C10orf143: variants seen among roughly 807,000 people sequenced by gnomAD.
C10orf143 encodes the protein chromosome 10 open reading frame 143.
chr10:130,047,978 C>T (rs1564952848), intron 3 of C10orf143, among the ~76,000 whole-genome samples: 1 of 152,234 alleles, frequency 6.6e-6, no homozygotes, highest in African/African-American at 2.4e-5. Context: ...GTCTGGCAGC[C>T]TGACTTTTGG....
chr10:130,109,956 A>G (rs942546559), intron 1 of C10orf143, among the ~76,000 whole-genome samples: 1 of 152,168 alleles, frequency 6.6e-6, no homozygotes, highest in Non-Finnish European at 1.5e-5. Flanking sequence ...TTGCAAGCAG[A>G]GGTGGAAGAT....
chr10:130,035,479 G>A (rs529383446), intron 4 of C10orf143, among the ~76,000 whole-genome samples: 1 of 152,346 alleles, frequency 6.6e-6, no homozygotes, highest in Non-Finnish European at 1.5e-5. Context: ...CTGCCCTTCA[G>A]AGGCTGAGGA....
At chr10:130,106,484 T>G in intron 1 of C10orf143, 2 of 1,602,200 alleles carry the variant, frequency 1.2e-6, no homozygotes, top group Non-Finnish European at 8.5e-7. Context: ...TGAAATTCTC[T>G]GTCTAGAAAA....
rs542425599 is a variant in C10orf143, at chr10:130,036,970, C to A, written c.298-1000G>T. ...GTACAGGCACAGAGGGAGGCGTGGA[C>A]CCTGCAGCAACTGGGCCAGCAGGTG... On this transcript the variant is annotated intron_variant and NMD_transcript_variant, in intron 3 of 5. Coordinates refer to the C10orf143 transcript ENST00000643056. Among the ~76,000 whole-genome samples the A allele has an allele frequency of 1.1e-4, 17 of 152,292 alleles. 1 individual carries two copies. The South Asian group carries it at 3.5e-3, about 32-fold the overall frequency.
chr10:130,084,669 CACACAT>C (rs1338883266), intron 1 of C10orf143, among the ~76,000 whole-genome samples: 1 of 152,006 alleles, frequency 6.6e-6, no homozygotes, highest in Non-Finnish European at 1.5e-5. Context: ...CACACACACA[CACACAT>C]ACATATATAT....
intron 3 of C10orf143, among the ~76,000 whole-genome samples, chr10:130,040,666 C>G (rs1768155936): frequency 6.6e-6 from 1 of 152,124 alleles, no homozygotes; most frequent in Admixed American, 6.5e-5. Context: ...AATCCTGTCT[C>G]TACTAAAAAT....
intron 1 of C10orf143, among the ~76,000 whole-genome samples, chr10:130,088,296 A>C (rs1245976782): frequency 6.6e-6 from 1 of 152,192 alleles, no homozygotes; most frequent in African/African-American, 2.4e-5. Flanking sequence ...AGGAAGGAGA[A>C]TCACTTGAAC....
intron 3 of C10orf143, among the ~76,000 whole-genome samples, chr10:130,049,508 C>T (rs1860713467): frequency 6.6e-6 from 1 of 152,194 alleles, no homozygotes; most frequent in African/African-American, 2.4e-5. Flanking sequence ...CCTGGAGGGG[C>T]CCTTGTTGAA....
At position 130,046,108 on chromosome 10, in the gene C10orf143, G is replaced by A. The variant is rs564389026; in HGVS notation, c.298-10138C>T. 6.2e-4 allele frequency among the ~76,000 whole-genome samples: 94 copies of A among 151,520 alleles called. 5 individuals carry two copies. The highest frequency in any genetic ancestry group is 3.1e-4 in the Non-Finnish European group (21 of 67,840). ...TCAGGGCATGGGGATGGGGCGGGGC[G>A]TGGGACGGGGCGTGGCGTGGGGCAC... On this transcript the variant is annotated intron_variant and NMD_transcript_variant, in intron 3 of 5. Coordinates refer to the C10orf143 transcript ENST00000643056.
chr10:130,076,734 C>G (rs1861124406), intron 3 of C10orf143, among the ~76,000 whole-genome samples: 1 of 152,206 alleles, frequency 6.6e-6, no homozygotes, highest in African/African-American at 2.4e-5. Context: ...TTGCAAGGAG[C>G]AGCTTCATTT....
intron 1 of C10orf143, chr10:130,107,581 A>G (rs1322376977): frequency 7.4e-7 from 1 of 1,347,954 alleles, no homozygotes; most frequent in South Asian, 1.2e-5. Context: ...CATTTGGCAG[A>G]GAGCATTCCC....
At chr10:130,091,888 C>CCAAG (rs1861388210) in intron 1 of C10orf143, among the ~76,000 whole-genome samples, 1 of 152,086 alleles carries the variant, frequency 6.6e-6, no homozygotes, top group South Asian at 2.1e-4. Flanking sequence ...AAGGAATGAA[C>CCAAG]CAAGCCTCCA....
At chr10:130,106,458 A>G (rs1297560852) in intron 1 of C10orf143, 1 of 1,602,532 alleles carries the variant, frequency 6.2e-7, no homozygotes, top group Non-Finnish European at 8.5e-7. Flanking sequence ...AACAGGTCCA[A>G]TTCTGAACTT....
chr10:130,108,501 A>G (rs766295248), intron 1 of C10orf143: 1 of 715,214 alleles, frequency 1.4e-6, no homozygotes, highest in African/African-American at 1.8e-5. Context: ...ATCTCATTTC[A>G]AGTAACTGCT....
rs371142698 is a variant in C10orf143, at chr10:130,110,710, C to G, written c.63G>C (p.Gly21=). The change falls in exon 1 of 4, where the codon GGG becomes GGC. Residue 21 remains glycine (G), a synonymous_variant. Coordinates refer to ENST00000637128, the MANE Select transcript of C10orf143 (RefSeq NM_001355042.2). ...QRRAEDLQVP[G]DVKRVCRRLE... is the part of the protein sequence containing the mutation. The stretch of plus-strand genomic sequence containing the variant: ...CCAGGCCCCGGGGGCTCACCACGTC[C>G]CCCGGAACCTGCAGATCCTCCGCCC... 1.6e-4 allele frequency: 64 copies of G among 398,862 alleles called. No individual in the cohort carries two copies. Among genetic ancestry groups the G allele is most frequent in the Admixed American group, 7.5e-4 (17 of 22,740 alleles). 24.7% of individuals were successfully genotyped at this position (398,862 alleles called of 1,614,324 possible).
intron 1 of C10orf143, among the ~76,000 whole-genome samples, chr10:130,083,639 C>T (rs941055417): frequency 6.6e-6 from 1 of 151,960 alleles, no homozygotes; most frequent in Non-Finnish European, 1.5e-5. Context: ...CAACAAAGTG[C>T]AAAAGAGTAT....
At chr10:130,079,281 CTCTATTTTAACCAAA>C (rs145840462) in intron 3 of C10orf143, among the ~76,000 whole-genome samples, 23,410 of 152,188 alleles carry the variant, frequency 0.15, 2,399 homozygotes, top group Non-Finnish European at 0.22. Context: ...TTAAATGATT[CTCTATTTTAACCAAA>C]TCCAGTGGCC....
At chr10:130,045,112 C>T (rs551198756) in intron 3 of C10orf143, among the ~76,000 whole-genome samples, 1 of 152,220 alleles carries the variant, frequency 6.6e-6, no homozygotes, top group Non-Finnish European at 1.5e-5. Flanking sequence ...ACAAAACCCA[C>T]CCCATGGAGA....
chr10:130,046,924 C>CGT (rs1394239650), intron 3 of C10orf143, among the ~76,000 whole-genome samples: 1 of 152,216 alleles, frequency 6.6e-6, no homozygotes, highest in Non-Finnish European at 1.5e-5. Flanking sequence ...ACCCCTGAGG[C>CGT]GTGTGTGTGT....
Sources: allele counts gnomAD v4.1 joint callset (sites outside exome capture counted in the v4.1 genomes callset), GRCh38; gene constraint gnomAD v4.1.1; transcripts MANE v1.5; gene names NCBI Gene and HGNC (gene_info 2026-07-23, HGNC 2026-07-21).